BMERB1: variants seen among roughly 807,000 people sequenced by gnomAD.
BMERB1 encodes the protein bMERB domain containing 1.
In BMERB1, 12 loss-of-function variants were observed where a neutral mutation model predicts 23.6. That is an observed-to-expected ratio of 0.51 (90% confidence interval 0.33 to 0.82). The LOEUF (loss-of-function observed/expected upper bound fraction) is 0.82, where lower values mean the gene tolerates loss of function less well. Ranked by LOEUF, BMERB1 falls within the 40% of genes least tolerant of loss-of-function variation. The pLI is 0.03. For missense variants in BMERB1, 247 were observed against 255.4 expected (o/e 0.97, Z 0.22); for synonymous variants, 122 against 96.6 (o/e 1.26, Z -1.54).
chr16:15,452,830 G>A (rs1188491446), intron 1 of BMERB1, among the ~76,000 whole-genome samples: 8 of 152,140 alleles, frequency 5.3e-5, no homozygotes, highest in African/African-American at 1.9e-4. Context: ...TGACTAGGAA[G>A]GAGGGCATCT....
At chr16:15,506,698 G>C (rs1393354757) in intron 1 of BMERB1, among the ~76,000 whole-genome samples, 3 of 136,728 alleles carry the variant, frequency 2.2e-5, no homozygotes, top group Non-Finnish European at 4.8e-5. Context: ...TAATTTCCCA[G>C]AAAAAAAAAA....
chr16:15,537,924 G>A (rs1253621132), intron 2 of BMERB1, among the ~76,000 whole-genome samples: 1 of 152,134 alleles, frequency 6.6e-6, no homozygotes, highest in South Asian at 2.1e-4. Flanking sequence ...CTCCCAAAAT[G>A]ATGGGATTAC....
chr16:15,515,526 T>TA, intron 2 of BMERB1, 98 bp downstream of exon 2: 1 of 1,449,796 alleles, frequency 6.9e-7, no homozygotes, highest in African/African-American at 1.4e-5. Flanking sequence ...GGCACTGAGA[T>TA]AAAGGCATTA....
chr16:15,439,044 G>T (rs890128241), intron 1 of BMERB1, among the ~76,000 whole-genome samples: 1 of 152,210 alleles, frequency 6.6e-6, no homozygotes, highest in Non-Finnish European at 1.5e-5. Flanking sequence ...CACTGAGTAG[G>T]TGTAAATTAA....
intron 2 of BMERB1, among the ~76,000 whole-genome samples, chr16:15,519,146 T>A (rs569540508): frequency 6.8e-6 from 1 of 147,864 alleles, no homozygotes; most frequent in Admixed American, 6.7e-5. Context: ...GAGAAAAAAA[T>A]TTCAGACCCT....
chr16:15,487,445 A>T (rs573249807), intron 1 of BMERB1, among the ~76,000 whole-genome samples: 80 of 152,288 alleles, frequency 5.3e-4, no homozygotes, highest in African/African-American at 1.8e-3. Flanking sequence ...TAAAGGACTC[A>T]TGGTAAATAT....
chr16:15,587,439 C>T lies in BMERB1; in HGVS notation c.*610C>T, dbSNP rs2031178416. 3.1e-6 allele frequency: 1 copy of T among 320,614 alleles called. No homozygotes were observed. Among genetic ancestry groups the T allele is most frequent in the South Asian group, 2.3e-5 (1 of 44,028 alleles). 19.9% of individuals were successfully genotyped at this position (320,614 alleles called of 1,614,324 possible). ...GTGTCGTGGTCACATCTCCCGCTTC[C>T]CCCCATCCTGTGTCTGGGCACAGTT... On this transcript the variant is annotated 3_prime_UTR_variant, in exon 6 of 6. Transcript: ENST00000300006.
intron 1 of BMERB1, among the ~76,000 whole-genome samples, chr16:15,474,004 C>T (rs1221421204): frequency 1.6e-4 from 24 of 151,778 alleles, no homozygotes; most frequent in Non-Finnish European, 2.9e-5. Flanking sequence ...CCTATAGTCC[C>T]AGCTCCTCGG....
intron 4 of BMERB1, among the ~76,000 whole-genome samples, chr16:15,582,168 G>C (rs1366344277): frequency 6.6e-6 from 1 of 152,194 alleles, no homozygotes; most frequent in African/African-American, 2.4e-5. Context: ...GGAGGCCAAG[G>C]TGGGTGGATC....
At chr16:15,582,497 G>A (rs1187504425) in intron 4 of BMERB1, among the ~76,000 whole-genome samples, 1 of 152,122 alleles carries the variant, frequency 6.6e-6, no homozygotes, top group Non-Finnish European at 1.5e-5. Context: ...AATTATCAAT[G>A]CCAGTCTTGG....
chr16:15,554,650 A>G (rs937225848), intron 2 of BMERB1, among the ~76,000 whole-genome samples: 2 of 144,904 alleles, frequency 1.4e-5, no homozygotes, highest in African/African-American at 5.3e-5. Flanking sequence ...GAAAAAAAAA[A>G]GGACCAAGTA....
chr16:15,496,061 T>G (rs1240407009), intron 1 of BMERB1, among the ~76,000 whole-genome samples: 1 of 150,818 alleles, frequency 6.6e-6, no homozygotes, highest in African/African-American at 2.5e-5. Flanking sequence ...GTGGTGATGG[T>G]GATGATGACA....
At chr16:15,517,944 GGT>G (rs907194839) in intron 2 of BMERB1, among the ~76,000 whole-genome samples, 26 of 144,806 alleles carry the variant, frequency 1.8e-4, no homozygotes, top group South Asian at 4.5e-4. Flanking sequence ...TGCATGTGTG[GGT>G]GTGTGTGTGG....
chr16:15,557,524 A>G (rs565982418), intron 2 of BMERB1, among the ~76,000 whole-genome samples: 13 of 152,326 alleles, frequency 8.5e-5, no homozygotes, highest in Admixed American at 2.0e-4. Context: ...TCTTGATCCA[A>G]TACACATTAA....
chr16:15,468,614 G>A (rs1284504624), intron 1 of BMERB1, among the ~76,000 whole-genome samples: 1 of 152,136 alleles, frequency 6.6e-6, no homozygotes, highest in African/African-American at 2.4e-5. Flanking sequence ...CATTCAGATG[G>A]TTGGGGGGCC....
At chr16:15,465,541 CAG>C (rs1226272666) in intron 1 of BMERB1, among the ~76,000 whole-genome samples, 1 of 151,898 alleles carries the variant, frequency 6.6e-6, no homozygotes, top group East Asian at 1.9e-4. Context: ...TTAGTAGAGA[CAG>C]GGTTTCACCA....
intron 1 of BMERB1, among the ~76,000 whole-genome samples, chr16:15,511,649 A>T (rs376115509): frequency 1.3e-5 from 2 of 152,170 alleles, no homozygotes; most frequent in African/African-American, 2.4e-5. Flanking sequence ...TGACAGGTCA[A>T]ATATTTTCCT....
intron 5 of BMERB1, among the ~76,000 whole-genome samples, chr16:15,583,577 CAAAAA>C (rs35021259): frequency 1.6e-5 from 1 of 61,868 alleles, no homozygotes; most frequent in Non-Finnish European, 3.4e-5. Flanking sequence ...GACTTTGTCT[CAAAAA>C]AAAAAAAAAA....
intron 3 of BMERB1, chr16:15,577,090 T>G (rs1247712721): frequency 6.6e-6 from 1 of 152,148 alleles, no homozygotes; most frequent in Non-Finnish European, 1.5e-5. Context: ...AAATGAACTT[T>G]CCACTTGGGC....
Sources: allele counts gnomAD v4.1 joint callset (sites outside exome capture counted in the v4.1 genomes callset), GRCh38; gene constraint gnomAD v4.1.1; transcripts MANE v1.5; gene names NCBI Gene and HGNC (gene_info 2026-07-23, HGNC 2026-07-21).